Variants in WWC2 observed in about 807,000 individuals in gnomAD.
The protein encoded by WWC2 is protein WWC2.
Under a neutral mutation model 138.5 loss-of-function variants are expected in WWC2, and 101 were observed. That is an observed-to-expected ratio of 0.73 (90% CI 0.62 to 0.86). The LOEUF is 0.86. WWC2 is among the 40% of genes least tolerant of loss of function. The probability of loss-of-function intolerance (pLI) is 0.00; values close to 1 mark genes in which losing one functional copy is unlikely to be tolerated. For missense variants in WWC2, 1,420 were observed against 1,419.4 expected, an observed-to-expected ratio of 1.00 and a Z score of -0.01; for synonymous variants, 558 against 538.4, an observed-to-expected ratio of 1.04 and a Z score of -0.50.
At chr4:183,231,155 C>T (rs1383105587) in intron 4 of WWC2, among the ~76,000 whole-genome samples, 1 of 150,134 alleles carries the variant, frequency 6.7e-6, no homozygotes, top group Non-Finnish European at 1.5e-5. Context: ...TATATAATAG[C>T]TAAGGTGGGC....
In WWC2 at chr4:183,268,951, T is replaced by A; in HGVS notation, c.2208-20T>A. ...TAATTAAAGTACCTATGAAATCCAT[T>A]TTATTCTTGTTCTTTGCAGATATTT... On this transcript the variant is annotated intron_variant, in intron 14 of 22. Transcript: ENST00000403733. 1.3e-6 allele frequency: 2 copies of A among 1,596,790 alleles called. No individual in the cohort carries two copies. Among genetic ancestry groups the A allele is most frequent in the Non-Finnish European group, 8.5e-7 (1 of 1,172,720 alleles).
intron 21 of WWC2, among the ~76,000 whole-genome samples, chr4:183,289,879 G>A (rs1738386694): frequency 6.7e-6 from 1 of 150,368 alleles, no homozygotes; most frequent in South Asian, 2.1e-4. Flanking sequence ...TGGCCAGTAG[G>A]GTGAGGGCGT....
At chr4:183,204,095 A>G (rs2111231982) in intron 2 of WWC2, among the ~76,000 whole-genome samples, 1 of 152,300 alleles carries the variant, frequency 6.6e-6, no homozygotes, top group Non-Finnish European at 1.5e-5. Context: ...AGGGAAAAAA[A>G]CAGCTGAAGG....
intron 1 of WWC2, among the ~76,000 whole-genome samples, chr4:183,165,355 G>T (rs984024266): frequency 2.0e-5 from 3 of 152,162 alleles, no homozygotes; most frequent in Admixed American, 2.0e-4. Flanking sequence ...CAACAGAAAA[G>T]CATCTTTGGC....
chr4:183,190,904 C>T (rs772500796), intron 1 of WWC2, among the ~76,000 whole-genome samples: 6 of 152,166 alleles, frequency 3.9e-5, no homozygotes, highest in Non-Finnish European at 7.3e-5. Context: ...CTGTCATACT[C>T]ACGCTTAAGC....
chr4:183,166,793 C>A (rs552353766), intron 1 of WWC2, among the ~76,000 whole-genome samples: 84 of 152,240 alleles, frequency 5.5e-4, no homozygotes, highest in African/African-American at 2.0e-3. Flanking sequence ...AAGGTAAGAT[C>A]AAATACTTTG....
chr4:183,115,066 T>G (rs1270335669), intron 1 of WWC2, among the ~76,000 whole-genome samples: 1 of 152,176 alleles, frequency 6.6e-6, no homozygotes, highest in African/African-American at 2.4e-5. Context: ...TGTTGTTCCC[T>G]TTTAGCTTCC....
intron 4 of WWC2, among the ~76,000 whole-genome samples, chr4:183,211,048 A>G (rs1735583193): frequency 6.6e-6 from 1 of 152,230 alleles, no homozygotes; most frequent in Non-Finnish European, 1.5e-5. Context: ...TTATATTTCC[A>G]TTGTTATTCA....
intron 16 of WWC2, among the ~76,000 whole-genome samples, chr4:183,280,229 G>GTCTTTT (rs1738018730): frequency 1.5e-5 from 1 of 65,430 alleles, no homozygotes; most frequent in African/African-American, 6.1e-5. Context: ...GATAGCAGCT[G>GTCTTTT]TTTTTTTTTT....
At chr4:183,135,325 T>TAA (rs1246054937) in intron 1 of WWC2, among the ~76,000 whole-genome samples, 5 of 152,310 alleles carry the variant, frequency 3.3e-5, no homozygotes, top group African/African-American at 1.2e-4. Flanking sequence ...TCCCCTGCCT[T>TAA]TTCTTCCTAT....
At chr4:183,187,421 G>A (rs1409118913) in intron 1 of WWC2, among the ~76,000 whole-genome samples, 10 of 151,466 alleles carry the variant, frequency 6.6e-5, no homozygotes, top group Non-Finnish European at 1.2e-4. Flanking sequence ...GGGCATGGTG[G>A]CACGCACCTG....
chr4:183,130,405 C>T (rs1439484179), intron 1 of WWC2, among the ~76,000 whole-genome samples: 2 of 152,054 alleles, frequency 1.3e-5, no homozygotes, highest in Non-Finnish European at 2.9e-5. Context: ...GGTTTTTATG[C>T]TAAACAAAAG....
intron 1 of WWC2, among the ~76,000 whole-genome samples, chr4:183,140,671 A>G (rs1204027555): frequency 6.6e-6 from 1 of 152,252 alleles, no homozygotes; most frequent in Non-Finnish European, 1.5e-5. Context: ...TTTAATAAGC[A>G]GAATTACAGT....
chr4:183,206,470 T>A (rs1466358812), intron 2 of WWC2, among the ~76,000 whole-genome samples: 1 of 152,232 alleles, frequency 6.6e-6, no homozygotes, highest in Non-Finnish European at 1.5e-5. Context: ...TTTTTATGCC[T>A]TTGAACTATT....
intron 1 of WWC2, among the ~76,000 whole-genome samples, chr4:183,175,487 C>CCCTG (rs932720097): frequency 1.3e-5 from 2 of 152,018 alleles, no homozygotes; most frequent in African/African-American, 4.8e-5. Context: ...GGCCCCAAAC[C>CCCTG]CCTGCGCTCA....
intron 1 of WWC2, among the ~76,000 whole-genome samples, chr4:183,185,576 C>T (rs1047094320): frequency 2.0e-5 from 3 of 151,984 alleles, no homozygotes; most frequent in Non-Finnish European, 2.9e-5. Flanking sequence ...ATTTTTTGGC[C>T]CTGCTTTTCA....
rs542502280 is a variant in WWC2, at chr4:183,311,347, G to A, written c.3385-994G>A. On this transcript the variant is annotated intron_variant, in intron 21 of 22. Transcript: ENST00000403733. ...GTGAGTTACAACTACATATAACAGC[G>A]TGTATGATTCTCGTGAGCATAATGT... Among the ~76,000 whole-genome samples the A allele has an allele frequency of 6.6e-5, 10 of 152,220 alleles. No homozygotes were observed. In the East Asian group the frequency reaches 9.7e-4, roughly 15 times the overall value.
chr4:183,210,629 G>C (rs1006814882), intron 4 of WWC2, among the ~76,000 whole-genome samples: 10 of 152,152 alleles, frequency 6.6e-5, no homozygotes, highest in African/African-American at 2.4e-4. Context: ...TCTGAGAAGT[G>C]TATTGTTAGG....
In WWC2 at chr4:183,253,775, T is replaced by C; in HGVS notation, c.972T>C (p.Ile324=). 1 of 1,610,174 alleles carries C rather than the reference T, an allele frequency of 6.2e-7. No individual in the cohort carries two copies. The highest frequency in any genetic ancestry group is 1.1e-5 in the South Asian group (1 of 90,518). ...TTTTTAGTATGGCCAACTTAAAAAT[T>C]GAACTGTCAAAATTGGACAGTGAGG... ...EAKRSMANLK[I]ELSKLDSEAW... The change falls in exon 9 of 23, where the codon ATT becomes ATC. Residue 324 remains isoleucine, a synonymous_variant. Coordinates refer to ENST00000403733, the MANE Select transcript of WWC2 (RefSeq NM_024949.6).
Sources: allele counts gnomAD v4.1 joint callset (sites outside exome capture counted in the v4.1 genomes callset), GRCh38; gene constraint gnomAD v4.1.1; transcripts MANE v1.5; gene names NCBI Gene and HGNC (gene_info 2026-07-23, HGNC 2026-07-21).